Variants in ATP6V0D1 observed in about 807,000 individuals in gnomAD.
The protein encoded by ATP6V0D1 is ATPase H+ transporting V0 subunit d1, also known as V-type proton ATPase subunit d 1.
A neutral mutation model predicts 39.0 loss-of-function variants in ATP6V0D1; 13 were observed. The observed-to-expected ratio is 0.33, with a 90% CI of 0.22 to 0.53. ATP6V0D1 has a LOEUF of 0.53. Ranked by LOEUF, ATP6V0D1 falls within the 20% of genes least tolerant of loss-of-function variation. The probability of loss-of-function intolerance (pLI) is 0.94; values close to 1 mark genes in which losing one functional copy is unlikely to be tolerated. For synonymous variants in ATP6V0D1, 191 were observed against 191.2 expected (o/e 1.00, Z 0.01); for missense variants, 272 against 470.9 (o/e 0.58, Z 3.91).
chr16:67,454,337 AG>A (rs897342374), intron 1 of ATP6V0D1, among the ~76,000 whole-genome samples: 1 of 152,016 alleles, frequency 6.6e-6, no homozygotes, highest in African/African-American at 2.4e-5. Flanking sequence ...CATGCGGGGG[AG>A]GTGAGGCTGG....
At position 67,447,192 on chromosome 16, in the gene ATP6V0D1, T is replaced by C. The variant is rs1316220326; in HGVS notation, c.303-2486A>G. Among the ~76,000 whole-genome samples, 2 of 152,206 alleles carry C rather than the reference T, an allele frequency of 1.3e-5. No individual in the cohort carries two copies. The highest frequency in any genetic ancestry group is 4.8e-5 in the African/African-American group (2 of 41,438). On this transcript the variant is annotated intron_variant, in intron 2 of 7. Coordinates refer to ENST00000290949, the MANE Select transcript of ATP6V0D1 (RefSeq NM_004691.5). The surrounding 1 kb of genome is among the most constrained non-coding windows in gnomAD (Gnocchi z 4.1). ...CACTACCCCAGCCCCTTCAAGGCCCTCTTCAAACCCAAGCCAGGCCAATCG... is the reference window on the plus strand; with the variant it reads ...CACTACCCCAGCCCCTTCAAGGCCCCCTTCAAACCCAAGCCAGGCCAATCG...
intron 1 of ATP6V0D1, 49 bp downstream of exon 1, chr16:67,480,908 C>A (rs772722826): frequency 6.2e-7 from 1 of 1,607,808 alleles, no homozygotes; most frequent in South Asian, 1.1e-5. Context: ...CCTCTGAACC[C>A]TCAGGCCCCG....
At chr16:67,464,017 T>C (rs1238072572) in intron 1 of ATP6V0D1, among the ~76,000 whole-genome samples, 1 of 152,190 alleles carries the variant, frequency 6.6e-6, no homozygotes, top group African/African-American at 2.4e-5. Context: ...CTCCCAGGCC[T>C]TGTGATATGG....
At position 67,456,773 on chromosome 16, in the gene ATP6V0D1, G is replaced by A. The variant is rs1475768776; in HGVS notation, c.131-3058C>T. The A allele has an allele frequency of 6.6e-6, 1 of 152,288 alleles. No homozygotes were observed. The highest frequency in any genetic ancestry group is 1.5e-5 in the Non-Finnish European group (1 of 68,080). The allele number at this position is 152,288 out of a possible 1,614,324, so 9.4% of individuals were successfully genotyped here. ...TTTGGGTGGTGGCACTCCTGCCAGT[G>A]ACTCCACTATTCCCTGGGACTGGGA... On this transcript the variant is annotated intron_variant, in intron 1 of 7. Transcript: ENST00000290949. The surrounding 1 kb of genome is among the most constrained non-coding windows in gnomAD (Gnocchi z 4.1).
In ATP6V0D1 at chr16:67,453,930, A is replaced by G. The variant is rs1057146844; in HGVS notation, c.131-215T>C. Reference sequence around the variant, plus strand: ...AGATCTTTGGGCCACAATCCAGCACATGGAGCCCCAAAGTTCGAGCATAAG... The same window carrying G: ...AGATCTTTGGGCCACAATCCAGCACGTGGAGCCCCAAAGTTCGAGCATAAG... On this transcript the variant is annotated intron_variant, in intron 1 of 7. Transcript: ENST00000290949. This position sits in a 1 kb window ranked among gnomAD's most constrained non-coding sequence, Gnocchi z 4.1. 1.3e-5 allele frequency among the ~76,000 whole-genome samples: 2 copies of G among 152,178 alleles called. No homozygotes were observed. The highest frequency in any genetic ancestry group is 6.5e-5 in the Admixed American group (1 of 15,280).
intron 4 of ATP6V0D1, chr16:67,441,352 G>C (rs961443105): frequency 6.6e-6 from 1 of 152,270 alleles, no homozygotes; most frequent in African/African-American, 2.4e-5. Context: ...CTGGGACATC[G>C]CCTGACAGGC....
At chr16:67,477,434 A>T (rs941874140) in intron 1 of ATP6V0D1, among the ~76,000 whole-genome samples, 3 of 152,200 alleles carry the variant, frequency 2.0e-5, no homozygotes, top group Non-Finnish European at 4.4e-5. Context: ...TCATTTTTTT[A>T]AAATACTCAT....
chr16:67,477,347 CAG>C (rs974226018), intron 1 of ATP6V0D1, among the ~76,000 whole-genome samples: 4 of 152,126 alleles, frequency 2.6e-5, no homozygotes, highest in Non-Finnish European at 5.9e-5. Flanking sequence ...TTGAGACAAT[CAG>C]GGGAATTTGA....
At chr16:67,475,657 T>C (rs1000026455) in intron 1 of ATP6V0D1, among the ~76,000 whole-genome samples, 1 of 152,182 alleles carries the variant, frequency 6.6e-6, no homozygotes, top group African/African-American at 2.4e-5. Flanking sequence ...CTATTCCAAA[T>C]TAGGAAACTG....
rs753417635 is a variant in ATP6V0D1 at position 67,439,028 on chromosome 16, C to T, written c.759G>A (p.Ala253=). ...HCGRLYPEGL[A]QLARADDYEQ... ...CATAGTCGTCAGCCCGAGCCAGCTG[C>T]GCCAGGCCCTCAGGGTAGAGCCGCC... Residue 253 remains alanine (A), a synonymous_variant, in exon 6 of 8, where the codon GCG becomes GCA. Transcript: ENST00000290949. The T allele has an allele frequency of 2.5e-5, 41 of 1,614,078 alleles. No individual in the cohort carries two copies. Among genetic ancestry groups the T allele is most frequent in the Admixed American group, 5.0e-5 (3 of 60,006 alleles).
Position 67,453,113 on chromosome 16 carries a change from C to T in ATP6V0D1, c.302+431G>A, listed in dbSNP as rs1327193002. 6.6e-6 allele frequency among the ~76,000 whole-genome samples: 1 copy of T among 152,204 alleles called. No homozygotes were observed. The highest frequency in any genetic ancestry group is 1.5e-5 in the Non-Finnish European group (1 of 68,032). On this transcript the variant is annotated intron_variant, in intron 2 of 7. Transcript: ENST00000290949. This position sits in a 1 kb window ranked among gnomAD's most constrained non-coding sequence, Gnocchi z 4.1. Reference sequence around the variant, plus strand: ...CCTTTCAGAGCTCTGTCCATCCCGACACCTGACCCCTCGCATGGGGAGTGG... The same window carrying T: ...CCTTTCAGAGCTCTGTCCATCCCGATACCTGACCCCTCGCATGGGGAGTGG...
chr16:67,470,559 G>T (rs2041364537), intron 1 of ATP6V0D1, among the ~76,000 whole-genome samples: 1 of 152,224 alleles, frequency 6.6e-6, no homozygotes, highest in South Asian at 2.1e-4. Context: ...GCAGAGCTAG[G>T]CTTCCAAGGC....
chr16:67,480,290 C>T lies in ATP6V0D1; in HGVS notation c.130+667G>A, dbSNP rs184207860. ...AACTCGGTTTCTCATTACTCTTGTGCTCAGAAACCCTGTCCCAACAGGCAT... is the reference window on the plus strand; with the variant it reads ...AACTCGGTTTCTCATTACTCTTGTGTTCAGAAACCCTGTCCCAACAGGCAT... On this transcript the variant is annotated intron_variant, in intron 1 of 7. Coordinates refer to ENST00000290949, the MANE Select transcript of ATP6V0D1 (RefSeq NM_004691.5). Among the ~76,000 whole-genome samples, 13 of 152,026 alleles carry T rather than the reference C, an allele frequency of 8.6e-5. No homozygotes were observed. The Middle Eastern group carries it at 0.01, about 121-fold the overall frequency.
intron 1 of ATP6V0D1, among the ~76,000 whole-genome samples, chr16:67,460,399 T>A (rs1158728012): frequency 1.3e-5 from 2 of 152,096 alleles, no homozygotes; most frequent in Non-Finnish European, 2.9e-5. Context: ...ACCTTTTTTT[T>A]CATATCAGCT....
intron 1 of ATP6V0D1, among the ~76,000 whole-genome samples, chr16:67,470,769 C>T (rs953641481): frequency 2.0e-5 from 3 of 152,026 alleles, no homozygotes; most frequent in African/African-American, 4.8e-5. Flanking sequence ...CCTATCCCTT[C>T]TCTGGTAGCC....
In ATP6V0D1 at chr16:67,443,189, A is replaced by C; in HGVS notation, c.482-11T>G. The C allele has an allele frequency of 1.2e-6, 2 of 1,613,792 alleles. No homozygotes were observed. The highest frequency in any genetic ancestry group is 1.3e-5 in the African/African-American group (1 of 75,036). Reference sequence around the variant, plus strand: ...CCTGGAAAAAAGCCGCTGGGGAGGAAACATGGTTTGAGGGGTGGGCAGGTG... The same window carrying C: ...CCTGGAAAAAAGCCGCTGGGGAGGACACATGGTTTGAGGGGTGGGCAGGTG... On this transcript the variant is annotated splice_polypyrimidine_tract_variant and intron_variant, in intron 3 of 7. Transcript: ENST00000290949.
intron 2 of ATP6V0D1, among the ~76,000 whole-genome samples, chr16:67,449,153 C>T (rs1875628723): frequency 6.6e-6 from 1 of 152,228 alleles, no homozygotes; most frequent in Non-Finnish European, 1.5e-5. Context: ...GGCACTGAGG[C>T]CCCTGACACA....
chr16:67,453,208 GCCC>G lies in ATP6V0D1; in HGVS notation c.302+333_302+335del, dbSNP rs1366039306. On this transcript the variant is annotated intron_variant, in intron 2 of 7. Transcript: ENST00000290949. The surrounding 1 kb of genome is among the most constrained non-coding windows in gnomAD (Gnocchi z 4.1). ...GGCTCCCACCTTCCCAGGTTTCCCT[GCCC>G]CAGTCTATGTGACTGGGGGAAGAGG... Among the ~76,000 whole-genome samples, 5 of 152,004 alleles carry G rather than the reference GCCC, an allele frequency of 3.3e-5. No homozygotes were observed. The highest frequency in any genetic ancestry group is 3.3e-4 in the Admixed American group (5 of 15,278).
intron 1 of ATP6V0D1, among the ~76,000 whole-genome samples, chr16:67,457,835 C>G (rs540625199): frequency 6.6e-6 from 1 of 152,366 alleles, no homozygotes; most frequent in East Asian, 1.9e-4. Context: ...TGCTGGAACG[C>G]AGGCGGCTGG....
Sources: allele counts gnomAD v4.1 joint callset (sites outside exome capture counted in the v4.1 genomes callset), GRCh38; gene constraint gnomAD v4.1.1; non-coding constraint Gnocchi (gnomAD v3.1); transcripts MANE v1.5; gene names NCBI Gene and HGNC (gene_info 2026-07-23, HGNC 2026-07-21).